The following ADA2 variants were observed in gnomAD, a reference collection of about 807,000 sequenced individuals.
ADA2 encodes the protein adenosine deaminase CECR1.
In ADA2, 29 loss-of-function variants were observed where a neutral mutation model predicts 44.2. That is an observed-to-expected ratio of 0.66 (90% CI 0.49 to 0.89). The LOEUF (loss-of-function observed/expected upper bound fraction) is 0.89. Ranked by LOEUF, ADA2 falls within the 40% of genes least tolerant of loss-of-function variation. The pLI is 0.00. For missense variants in ADA2, 637 were observed against 644.8 expected, an observed-to-expected ratio of 0.99 and a Z score of 0.13; for synonymous variants, 215 against 234.9, an observed-to-expected ratio of 0.92 and a Z score of 0.77.
intron 7 of ADA2, among the ~76,000 whole-genome samples, chr22:17,184,158 G>A (rs557699181): frequency 4.6e-5 from 7 of 151,166 alleles, no homozygotes; most frequent in African/African-American, 1.7e-4. Flanking sequence ...TAGAGACAGG[G>A]TTTCACTGTG....
chr22:17,191,667 C>G lies in ADA2; in HGVS notation c.881+16G>C. On this transcript the variant is annotated intron_variant, in intron 5 of 9. Coordinates refer to ENST00000399837, the MANE Select transcript of ADA2 (RefSeq NM_001282225.2). ...CAGCCTCCCAACCCGAGCTTTTCAG[C>G]AATATTCTCTCTCACCTGTGATCCG... is the stretch of plus-strand genomic sequence containing the variant. 1 of 1,612,762 alleles carries G rather than the reference C, an allele frequency of 6.2e-7. No individual in the cohort carries two copies. Among genetic ancestry groups the G allele is most frequent in the Non-Finnish European group, 8.5e-7 (1 of 1,179,330 alleles).
upstream of ADA2, among the ~76,000 whole-genome samples, chr22:17,220,947 G>A (rs2062518462): frequency 6.6e-6 from 1 of 152,120 alleles, no homozygotes; most frequent in African/African-American, 2.4e-5. Flanking sequence ...GCCGAGGCAG[G>A]TGGATCACAA....
At chr22:17,216,394 A>G (rs116766740) in intron 1 of ADA2, among the ~76,000 whole-genome samples, 488 of 151,906 alleles carry the variant, frequency 3.2e-3, no homozygotes, top group African/African-American at 0.011. Context: ...AAAAACCTAC[A>G]GTTAGATAGA....
intron 6 of ADA2, 55 bp downstream of exon 6, chr22:17,189,887 G>A: frequency 1.5e-6 from 2 of 1,296,030 alleles, no homozygotes; most frequent in Non-Finnish European, 2.2e-6. Flanking sequence ...CACCCAGACA[G>A]GCATCCTCGC....
intron 1 of ADA2, among the ~76,000 whole-genome samples, chr22:17,212,558 G>A (rs1423340919): frequency 6.6e-6 from 1 of 152,134 alleles, no homozygotes. Context: ...ACAGGCGTGA[G>A]TCACCATGCC....
intron 5 of ADA2, among the ~76,000 whole-genome samples, chr22:17,190,842 G>C (rs2062105849): frequency 6.6e-6 from 1 of 152,214 alleles, no homozygotes; most frequent in African/African-American, 2.4e-5. Context: ...CCTCCTAGGG[G>C]GACCGGCACA....
chr22:17,209,887 C>A, intron 1 of ADA2, 164 bp from the exon 2 acceptor site: 1 of 518,402 alleles, frequency 1.9e-6, no homozygotes, highest in Non-Finnish European at 3.4e-6. Context: ...AGGGGTTTCC[C>A]AATTTTTTTT....
At chr22:17,216,184 T>C (rs2062469639) in intron 1 of ADA2, among the ~76,000 whole-genome samples, 1 of 151,794 alleles carries the variant, frequency 6.6e-6, no homozygotes, top group South Asian at 2.1e-4. Flanking sequence ...AGACTTCATC[T>C]CAAAATAAAT....
In ADA2 at chr22:17,181,564, C is replaced by T. The variant is rs769414878; in HGVS notation, c.1455G>A (p.Leu485=). 1.9e-6 allele frequency: 3 copies of T among 1,611,164 alleles called. No homozygotes were observed. In the Admixed American group the frequency reaches 5.0e-5, roughly 27 times the overall value. The change falls in exon 10 of 10, where the codon CTG becomes CTA. Residue 485 remains leucine, a synonymous_variant. Transcript: ENST00000399837. ...TGAAAGTATTTTTCTCACTCTCCAA[C>T]AGGGTACTGTACCTGCAGGAAGAGG... The part of the protein sequence containing the change: ...LAMNSIKYST[L]LESEKNTFME...
intron 7 of ADA2, among the ~76,000 whole-genome samples, chr22:17,185,852 G>A (rs1378140727): frequency 6.6e-6 from 1 of 152,200 alleles, no homozygotes; most frequent in Non-Finnish European, 1.5e-5. Context: ...TCTTCCGAGG[G>A]TGACAGGTGG....
At chr22:17,208,564 AG>A (rs1389995001) in intron 2 of ADA2, among the ~76,000 whole-genome samples, 1 of 151,738 alleles carries the variant, frequency 6.6e-6, no homozygotes, top group African/African-American at 2.4e-5. Context: ...GCACTTTGGG[AG>A]GCCGAGGAGT....
chr22:17,218,846 G>A (rs1262561893), intron 1 of ADA2, among the ~76,000 whole-genome samples: 1 of 152,152 alleles, frequency 6.6e-6, no homozygotes. Flanking sequence ...ACTTCATAAA[G>A]TAGTTTGCTT....
chr22:17,212,840 C>T (rs890301342), intron 1 of ADA2, among the ~76,000 whole-genome samples: 30 of 151,142 alleles, frequency 2.0e-4, no homozygotes, highest in Admixed American at 3.3e-4. Context: ...AATGCAGTAG[C>T]GTGAGTCCAC....
chr22:17,189,945 G>A lies in ADA2; in HGVS notation c.969C>T (p.Asp323=). ...IKFPTVVAGF[D]LVGHEDTGHS... is the part of the protein sequence containing the mutation. ...TTCTGTTCACAGCATGGGTTACCAG[G>A]TCAAACCCTGCCACCACCGTGGGGA... is the stretch of plus-strand genomic sequence containing the variant. The change falls in exon 6 of 10, where the codon GAC becomes GAT. Residue 323 remains aspartate, a synonymous_variant. Coordinates refer to ENST00000399837, the MANE Select transcript of ADA2 (RefSeq NM_001282225.2). 3 of 1,611,902 alleles carry A rather than the reference G, an allele frequency of 1.9e-6. No individual in the cohort carries two copies. Among genetic ancestry groups the A allele is most frequent in the Middle Eastern group, 1.7e-4 (1 of 6,058 alleles).
At chr22:17,196,104 T>C (rs533242447) in intron 4 of ADA2, among the ~76,000 whole-genome samples, 3 of 150,104 alleles carry the variant, frequency 2.0e-5, no homozygotes, top group African/African-American at 7.3e-5. Context: ...CCCAGCACTT[T>C]GGGGGGCCAA....
intron 4 of ADA2, among the ~76,000 whole-genome samples, chr22:17,194,525 G>A (rs192261329): frequency 3.9e-5 from 6 of 152,156 alleles, no homozygotes; most frequent in African/African-American, 1.2e-4. Flanking sequence ...AGGCGCAGTG[G>A]GGGAGCAGGC....
chr22:17,194,243 G>A (rs2062161673), intron 4 of ADA2, among the ~76,000 whole-genome samples: 1 of 152,072 alleles, frequency 6.6e-6, no homozygotes, highest in South Asian at 2.1e-4. Flanking sequence ...CTCACTAAGG[G>A]AGAAATGCCC....
intron 4 of ADA2, chr22:17,199,452 CA>C: frequency 8.3e-7 from 1 of 1,204,532 alleles, no homozygotes; most frequent in Non-Finnish European, 1.2e-6. Flanking sequence ...CCCCTCCACC[CA>C]CGAAGATCCC....
In ADA2 at chr22:17,191,869, CCCAGCCACCCCTGCCCAGCCACCCCTGG is replaced by C. The variant is rs544545432; in HGVS notation, c.754-87_754-60del. 3.6e-3 allele frequency: 5,536 copies of C among 1,541,788 alleles called. 213 individuals carry two copies. The African/African-American group carries it at 0.066, about 18-fold the overall frequency. On this transcript the variant is annotated intron_variant, in intron 4 of 9. Transcript: ENST00000399837. ...GAGCAGTGAGAGACGCCACCCCCTT[CCCAGCCACCCCTGCCCAGCCACCCCTGG>C]CCAGCCACCCCTGCCCAACCACCCC...
Sources: allele counts gnomAD v4.1 joint callset (sites outside exome capture counted in the v4.1 genomes callset), GRCh38; gene constraint gnomAD v4.1.1; transcripts MANE v1.5; gene names NCBI Gene and HGNC (gene_info 2026-07-23, HGNC 2026-07-21).